The following DPP10 variants were observed in gnomAD, a reference collection of about 807,000 sequenced individuals.
The protein encoded by DPP10 is dipeptidyl peptidase like 10.
A neutral mutation model predicts 120.9 loss-of-function variants in DPP10; 33 were observed. That is an observed-to-expected ratio of 0.27 (90% CI 0.21 to 0.37). The LOEUF is 0.37. Among genes scored for constraint, DPP10 ranks in the 10% least tolerant of loss-of-function variants. DPP10 has a pLI of 1.00. For synonymous variants in DPP10, 337 were observed against 326.1 expected, an observed-to-expected ratio of 1.03 and a Z score of -0.36; for missense variants, 816 against 942.8, an observed-to-expected ratio of 0.87 and a Z score of 1.76.
chr2:115,085,614 G>C (rs1708628376), intron 1 of DPP10, among the ~76,000 whole-genome samples: 1 of 152,162 alleles, frequency 6.6e-6, no homozygotes, highest in Non-Finnish European at 1.5e-5. Flanking sequence ...GTAGTGGCCA[G>C]TGCCACTAGA....
At chr2:115,352,790 TACTC>T (rs919462238) in intron 3 of DPP10, among the ~76,000 whole-genome samples, 6 of 152,094 alleles carry the variant, frequency 3.9e-5, no homozygotes, top group African/African-American at 1.2e-4. Flanking sequence ...TTGCAAGAAA[TACTC>T]AGTCCAATTA....
At chr2:115,409,153 A>T (rs1348469107) in intron 3 of DPP10, among the ~76,000 whole-genome samples, 2 of 152,188 alleles carry the variant, frequency 1.3e-5, no homozygotes, top group Non-Finnish European at 2.9e-5. Flanking sequence ...AAACTGTAGA[A>T]ATTTATAATG....
At chr2:114,998,982 C>T (rs1701267576) in intron 1 of DPP10, among the ~76,000 whole-genome samples, 1 of 152,158 alleles carries the variant, frequency 6.6e-6, no homozygotes. Flanking sequence ...GATAATCTCT[C>T]CATCTCAATA....
At chr2:114,801,847 T>G (rs775933392) in intron 1 of DPP10, among the ~76,000 whole-genome samples, 1 of 152,224 alleles carries the variant, frequency 6.6e-6, no homozygotes, top group Non-Finnish European at 1.5e-5. Flanking sequence ...CTTGGATTCA[T>G]GTACATGAAA....
chr2:114,791,655 A>G (rs1683252149), intron 1 of DPP10, among the ~76,000 whole-genome samples: 1 of 152,110 alleles, frequency 6.6e-6, no homozygotes. Flanking sequence ...TATTGGGGAG[A>G]GGTAGGTGAC....
At chr2:115,535,720 C>T (rs1347093096) in intron 5 of DPP10, among the ~76,000 whole-genome samples, 3 of 151,136 alleles carry the variant, frequency 2.0e-5, no homozygotes, top group South Asian at 2.1e-4. Context: ...GCCATTTTCA[C>T]GATATTGATT....
intron 1 of DPP10, among the ~76,000 whole-genome samples, chr2:114,936,802 T>C (rs563222792): frequency 2.8e-4 from 42 of 152,336 alleles, no homozygotes; most frequent in Admixed American, 2.7e-3. Flanking sequence ...AGTGAGGTGT[T>C]ATCACATTGT....
intron 1 of DPP10, among the ~76,000 whole-genome samples, chr2:114,990,276 A>G (rs1700680922): frequency 6.6e-6 from 1 of 152,210 alleles, no homozygotes; most frequent in African/African-American, 2.4e-5. Context: ...ACACAATCAT[A>G]TAAAGAGATT....
intron 1 of DPP10, among the ~76,000 whole-genome samples, chr2:115,178,816 G>A (rs753977440): frequency 1.8e-4 from 28 of 152,122 alleles, no homozygotes; most frequent in Non-Finnish European, 3.7e-4. Flanking sequence ...ATGAGGTTAG[G>A]TCCTGACATA....
intron 1 of DPP10, among the ~76,000 whole-genome samples, chr2:115,000,365 C>T (rs1215999290): frequency 6.6e-6 from 1 of 152,058 alleles, no homozygotes; most frequent in East Asian, 1.9e-4. Context: ...AAAATTCTTA[C>T]CACTGATATT....
intron 3 of DPP10, among the ~76,000 whole-genome samples, chr2:115,428,772 G>A (rs574915187): frequency 6.6e-6 from 1 of 152,302 alleles, no homozygotes; most frequent in East Asian, 1.9e-4. Context: ...TCTGCAGAAA[G>A]GATACACTCG....
chr2:114,451,071 T>A (rs1259573629), intron 1 of DPP10, among the ~76,000 whole-genome samples: 1 of 151,694 alleles, frequency 6.6e-6, no homozygotes, highest in Admixed American at 6.6e-5. Flanking sequence ...ACTTATTGTA[T>A]TTAAAGATCG....
At chr2:115,663,550 G>A (rs547157655) in intron 5 of DPP10, among the ~76,000 whole-genome samples, 161 of 152,296 alleles carry the variant, frequency 1.1e-3, no homozygotes, top group South Asian at 4.4e-3. Flanking sequence ...CAAAGGCTCA[G>A]TGGCTTGCTG....
At chr2:115,833,995 CAG>C (rs1689192090) in intron 21 of DPP10, among the ~76,000 whole-genome samples, 2 of 152,110 alleles carry the variant, frequency 1.3e-5, no homozygotes, top group Admixed American at 1.3e-4. Flanking sequence ...GGGCTACTTC[CAG>C]ATTTTGCTGG....
intron 5 of DPP10, among the ~76,000 whole-genome samples, chr2:115,534,994 T>C (rs2148935304): frequency 6.7e-6 from 1 of 149,142 alleles, no homozygotes; most frequent in East Asian, 2.0e-4. Flanking sequence ...TTGAGTTCAT[T>C]GTAGATTCTG....
intron 3 of DPP10, among the ~76,000 whole-genome samples, chr2:115,404,992 C>G (rs1574733295): frequency 6.6e-6 from 1 of 152,162 alleles, no homozygotes; most frequent in African/African-American, 2.4e-5. Flanking sequence ...TCACAGCATT[C>G]TATCCCTGGC....
intron 1 of DPP10, among the ~76,000 whole-genome samples, chr2:114,459,130 A>G (rs17048379): frequency 0.067 from 10,238 of 152,264 alleles, 604 homozygotes; most frequent in African/African-American, 0.16. Context: ...AAAACGAGCT[A>G]AAGAATTGTT....
intron 1 of DPP10, among the ~76,000 whole-genome samples, chr2:114,594,491 T>C (rs1412237566): frequency 6.8e-6 from 1 of 147,654 alleles, no homozygotes; most frequent in Non-Finnish European, 1.5e-5. Flanking sequence ...ATATTATATA[T>C]ACATATATAT....
At chr2:115,274,863 A>G (rs1261900026) in intron 1 of DPP10, among the ~76,000 whole-genome samples, 2 of 152,200 alleles carry the variant, frequency 1.3e-5, no homozygotes, top group African/African-American at 4.8e-5. Flanking sequence ...CGTTAAGCGT[A>G]ATATTATGTG....
Sources: gnomAD v4.1 joint callset for allele counts (sites outside exome capture counted in the v4.1 genomes callset) on GRCh38, gnomAD v4.1.1 for gene constraint, MANE v1.5 for transcripts, NCBI Gene and HGNC (gene_info 2026-07-23, HGNC 2026-07-21) for gene names.